ALDH5A1: variants seen among roughly 807,000 people sequenced by gnomAD.
ALDH5A1 encodes the protein succinate-semialdehyde dehydrogenase, mitochondrial.
In ALDH5A1, 33 loss-of-function variants were observed where a neutral mutation model predicts 54.7. The ratio of observed to expected loss-of-function variants is 0.60; its 90% CI spans 0.46 to 0.81. The LOEUF (loss-of-function observed/expected upper bound fraction) is 0.81, where lower values mean the gene tolerates loss of function less well. Ranked by LOEUF, ALDH5A1 falls within the 30% of genes least tolerant of loss-of-function variation. The pLI, the probability that ALDH5A1 is intolerant of heterozygous loss-of-function variation, is 0.00. For synonymous variants in ALDH5A1, 294 were observed against 292.7 expected (o/e 1.00, Z -0.05); for missense variants, 657 against 711.0 (o/e 0.92, Z 0.86).
At chr6:24,498,248 G>A (rs969463451) in intron 1 of ALDH5A1, among the ~76,000 whole-genome samples, 4 of 152,150 alleles carry the variant, frequency 2.6e-5, no homozygotes, top group Non-Finnish European at 4.4e-5. Context: ...GTAAGCAGTT[G>A]GGTGTATGAG....
intron 6 of ALDH5A1, chr6:24,522,562 G>A: frequency 1.9e-6 from 1 of 515,436 alleles, no homozygotes; most frequent in South Asian, 1.9e-5. Flanking sequence ...CATAGCAGCT[G>A]TGGAGGGAAC....
At chr6:24,514,058 CTAATTGT>C (rs1759514126) in intron 4 of ALDH5A1, among the ~76,000 whole-genome samples, 1 of 152,188 alleles carries the variant, frequency 6.6e-6, no homozygotes, top group African/African-American at 2.4e-5. Flanking sequence ...ATGTAATAAG[CTAATTGT>C]TAATGGAATC....
intron 4 of ALDH5A1, among the ~76,000 whole-genome samples, chr6:24,511,141 A>G (rs530214872): frequency 2.0e-5 from 3 of 152,336 alleles, no homozygotes; most frequent in African/African-American, 7.2e-5. Flanking sequence ...AGGAGGCTGA[A>G]GATAGGGCCC....
chr6:24,522,857 C>T lies in ALDH5A1; in HGVS notation c.1105C>T (p.Arg369Cys), dbSNP rs772038058. The T allele has an allele frequency of 6.2e-6, 10 of 1,613,826 alleles. No individual in the cohort carries two copies. Among genetic ancestry groups the T allele is most frequent in the Middle Eastern group, 1.6e-4 (1 of 6,082 alleles). ...AFAEAMKKNL[R>C]VGNGFEEGTT... ...CGCCGAGGCCATGAAGAAGAACCTG[C>T]GCGTAGGTAATGGATTTGAGGAAGG... Residue 369 changes from arginine (R) to cysteine (C), a missense_variant, in exon 7 of 10, where the codon CGC becomes TGC. Around this residue, in one of 2 missense-constraint regions of ALDH5A1, gnomAD observed 425 missense variants for 516.4 expected, o/e 0.82. Transcript: ENST00000357578.
intron 7 of ALDH5A1, among the ~76,000 whole-genome samples, chr6:24,523,529 G>T (rs1260207347): frequency 1.3e-5 from 2 of 152,200 alleles, no homozygotes; most frequent in Non-Finnish European, 2.9e-5. Context: ...TCCCCATGCG[G>T]TCTGTCACTG....
intron 4 of ALDH5A1, among the ~76,000 whole-genome samples, chr6:24,512,841 C>A (rs553834924): frequency 6.6e-6 from 1 of 152,246 alleles, no homozygotes; most frequent in South Asian, 2.1e-4. Context: ...AGGCACACAC[C>A]ATCATGCCCG....
In ALDH5A1 at chr6:24,530,883, C is replaced by T. The variant is rs4646849; in HGVS notation, c.1344-1236C>T. Among the ~76,000 whole-genome samples the T allele has an allele frequency of 7.9e-5, 12 of 152,346 alleles. No homozygotes were observed. In the East Asian group the frequency reaches 1.9e-3, roughly 24 times the overall value. ...GGCAGGATCACCTGGAACTCACAGG[C>T]GTGGTAGGAGACGTGCAGCCCTGCC... On this transcript the variant is annotated intron_variant, in intron 8 of 9. Transcript: ENST00000357578.
At chr6:24,496,211 A>C (rs1262644735) in intron 1 of ALDH5A1, among the ~76,000 whole-genome samples, 1 of 152,116 alleles carries the variant, frequency 6.6e-6, no homozygotes, top group Non-Finnish European at 1.5e-5. Flanking sequence ...GCACTGTTGG[A>C]GGTGCTTGGG....
Position 24,495,122 on chromosome 6 carries a change from C to G in ALDH5A1, c.126C>G (p.Ala42=). The change falls in exon 1 of 10, where the codon GCC becomes GCG. Residue 42 remains alanine, a synonymous_variant. Transcript: ENST00000357578. ...CCTCCGGGCCTGCGCCCGGCCCGGCCCAGCTCCGCTGCTACGCTGGGCGCC... is the reference window on the plus strand; with the variant it reads ...CCTCCGGGCCTGCGCCCGGCCCGGCGCAGCTCCGCTGCTACGCTGGGCGCC... The part of the protein sequence containing the change: ...VPASGPAPGP[A]QLRCYAGRLA... 1 of 1,377,416 alleles carries G rather than the reference C, an allele frequency of 7.3e-7. No individual in the cohort carries two copies. The highest frequency in any genetic ancestry group is 1.7e-5 in the South Asian group (1 of 58,364). 85.3% of individuals were successfully genotyped at this position (1,377,416 alleles called of 1,614,324 possible).
In ALDH5A1 at chr6:24,520,484, T is replaced by C. The variant is rs751666165; in HGVS notation, c.954T>C (p.Ser318=). 6.2e-7 allele frequency: 1 copy of C among 1,614,202 alleles called. No homozygotes were observed. The highest frequency in any genetic ancestry group is 1.1e-5 in the South Asian group (1 of 91,086). ...GGLAPFIVFD[S]ANVDQAVAGA... ...TTGCTCCATTTATAGTATTTGACAG[T>C]GCCAACGTGGACCAGGCTGTAGCAG... is the stretch of plus-strand genomic sequence containing the variant. Residue 318 remains serine (S), a synonymous_variant, in exon 6 of 10, where the codon AGT becomes AGC. Transcript: ENST00000357578.
intron 6 of ALDH5A1, among the ~76,000 whole-genome samples, chr6:24,522,099 G>A (rs1280456735): frequency 6.6e-6 from 1 of 152,056 alleles, no homozygotes; most frequent in Non-Finnish European, 1.5e-5. Context: ...ACCCACCTCA[G>A]CCTCCCAAAG....
At position 24,533,740 on chromosome 6, in the gene ALDH5A1, A is replaced by G; in HGVS notation, c.*28A>G. ...TTCTTTGGTTCTTTAAAAAAATTTA[A>G]AAGGAGACTTATCTACATATATAGG... On this transcript the variant is annotated 3_prime_UTR_variant, in exon 10 of 10. Transcript: ENST00000357578. 2 of 1,597,258 alleles carry G rather than the reference A, an allele frequency of 1.3e-6. No individual in the cohort carries two copies. The highest frequency in any genetic ancestry group is 1.3e-5 in the African/African-American group (1 of 74,614).
chr6:24,500,006 C>G (rs889910720), intron 1 of ALDH5A1, among the ~76,000 whole-genome samples: 1 of 151,692 alleles, frequency 6.6e-6, no homozygotes, highest in African/African-American at 2.4e-5. Context: ...ACAGATCTCA[C>G]CGCATTGCCC....
intron 5 of ALDH5A1, among the ~76,000 whole-genome samples, chr6:24,517,480 G>T (rs1010542040): frequency 6.6e-6 from 1 of 152,190 alleles, no homozygotes; most frequent in Non-Finnish European, 1.5e-5. Flanking sequence ...AAACTTATCC[G>T]CAGAAAGATT....
intron 9 of ALDH5A1, among the ~76,000 whole-genome samples, chr6:24,532,397 G>A (rs966250958): frequency 2.0e-5 from 3 of 152,214 alleles, no homozygotes; most frequent in Non-Finnish European, 1.5e-5. Flanking sequence ...AATTACAGCT[G>A]TGGGAAGAAG....
chr6:24,495,710 C>A (rs1027427061), intron 1 of ALDH5A1, among the ~76,000 whole-genome samples: 1 of 152,104 alleles, frequency 6.6e-6, no homozygotes, highest in African/African-American at 2.4e-5. Context: ...AGTGAGAGCA[C>A]GTGTGGCCCT....
chr6:24,532,654 G>T (rs1422658118), intron 9 of ALDH5A1, among the ~76,000 whole-genome samples: 2 of 152,114 alleles, frequency 1.3e-5, no homozygotes, highest in African/African-American at 4.8e-5. Context: ...AGATGGGCCA[G>T]GTGGTCACTG....
At chr6:24,497,558 C>T (rs1695564468) in intron 1 of ALDH5A1, among the ~76,000 whole-genome samples, 1 of 152,142 alleles carries the variant, frequency 6.6e-6, no homozygotes, top group Admixed American at 6.5e-5. Flanking sequence ...TTTTACAATC[C>T]TCTTGTAAGA....
Position 24,528,111 on chromosome 6 carries a change from C to G in ALDH5A1, c.1288C>G (p.Gln430Glu). The G allele has an allele frequency of 2.5e-6, 4 of 1,614,082 alleles. No individual in the cohort carries two copies. The highest frequency in any genetic ancestry group is 3.4e-6 in the Non-Finnish European group (4 of 1,179,984). Residue 430 changes from glutamine to glutamate, a missense_variant, in exon 8 of 10, where the codon CAG becomes GAG. This residue lies in a region of ALDH5A1 where 425 missense variants were observed against 516.4 expected (regional missense o/e 0.82). Coordinates refer to ENST00000357578, the MANE Select transcript of ALDH5A1 (RefSeq NM_001080.3). ...FEPTLLCNVT[Q>E]DMLCTHEETF... ...GCCTACCCTGCTGTGCAATGTCACC[C>G]AGGACATGCTGTGCACTCATGAAGA...
Sources: gnomAD v4.1 joint callset for allele counts (sites outside exome capture counted in the v4.1 genomes callset) on GRCh38, gnomAD v4.1.1 for gene constraint, gnomAD v4.1.1 regional missense constraint, MANE v1.5 for transcripts, NCBI Gene and HGNC (gene_info 2026-07-23, HGNC 2026-07-21) for gene names.